PBX3: variants seen among roughly 807,000 people sequenced by gnomAD.
The protein encoded by PBX3 is pre-B-cell leukemia transcription factor 3.
In PBX3, 14 loss-of-function variants were observed where a neutral mutation model predicts 48.5. The observed-to-expected ratio is 0.29, with a 90% confidence interval of 0.19 to 0.45. PBX3 has a LOEUF of 0.45. Ranked by LOEUF, PBX3 falls within the 20% of genes least tolerant of loss-of-function variation. The pLI is 1.00. For synonymous variants in PBX3, 210 were observed against 200.3 expected (o/e 1.05, Z -0.41); for missense variants, 386 against 546.7 (o/e 0.71, Z 2.93).
chr9:125,856,037 G>A (rs1052457934), intron 2 of PBX3, among the ~76,000 whole-genome samples: 23 of 151,396 alleles, frequency 1.5e-4, no homozygotes, highest in African/African-American at 5.1e-4. Flanking sequence ...AATATAAATA[G>A]GCCCAAACCA....
At chr9:125,818,414 A>G (rs1838536034) in intron 2 of PBX3, among the ~76,000 whole-genome samples, 1 of 151,660 alleles carries the variant, frequency 6.6e-6, no homozygotes, top group Admixed American at 6.6e-5. Context: ...AGCTCACTAC[A>G]GCCTCTGCCT....
At chr9:125,899,450 TATATAGAGAG>T (rs1454806851) in intron 2 of PBX3, among the ~76,000 whole-genome samples, 6 of 79,336 alleles carry the variant, frequency 7.6e-5, no homozygotes, top group East Asian at 7.7e-4. Context: ...TGTATATATA[TATATAGAGAG>T]AGAGAGAGAG....
intron 2 of PBX3, among the ~76,000 whole-genome samples, chr9:125,900,359 T>G (rs1431555953): frequency 6.6e-6 from 1 of 151,594 alleles, no homozygotes; most frequent in Non-Finnish European, 1.5e-5. Flanking sequence ...TGTACAGAGA[T>G]GTAGCCTGTG....
intron 2 of PBX3, among the ~76,000 whole-genome samples, chr9:125,805,119 T>G (rs1838086141): frequency 1.3e-5 from 2 of 151,906 alleles, no homozygotes; most frequent in South Asian, 4.2e-4. Context: ...GAAAATATTT[T>G]TTTGAGGCGG....
At chr9:125,918,654 C>T (rs1841387606) in intron 3 of PBX3, among the ~76,000 whole-genome samples, 1 of 151,986 alleles carries the variant, frequency 6.6e-6, no homozygotes, top group Non-Finnish European at 1.5e-5. Flanking sequence ...GGTATGAAGA[C>T]TAGTTGGCAG....
intron 5 of PBX3, among the ~76,000 whole-genome samples, chr9:125,943,590 C>T (rs1159878658): frequency 6.6e-6 from 1 of 152,060 alleles, no homozygotes; most frequent in African/African-American, 2.4e-5. Context: ...CTGTGTCTAA[C>T]CTTTCCGCTG....
intron 5 of PBX3, among the ~76,000 whole-genome samples, chr9:125,954,259 G>A (rs1306376190): frequency 1.3e-5 from 2 of 152,060 alleles, no homozygotes; most frequent in African/African-American, 4.8e-5. Context: ...GTCAAAATAA[G>A]TATATTTTTA....
At chr9:125,900,646 A>T (rs572500203) in intron 2 of PBX3, among the ~76,000 whole-genome samples, 1 of 151,854 alleles carries the variant, frequency 6.6e-6, no homozygotes, top group Non-Finnish European at 1.5e-5. Flanking sequence ...CAAACCACAA[A>T]GAGATGTAGC....
chr9:125,817,726 T>TA (rs1466750518), intron 2 of PBX3, among the ~76,000 whole-genome samples: 3 of 152,244 alleles, frequency 2.0e-5, no homozygotes, highest in African/African-American at 7.2e-5. Context: ...TGTAAAGTCT[T>TA]ACATCTTATT....
At chr9:125,864,217 A>G (rs890503996) in intron 2 of PBX3, among the ~76,000 whole-genome samples, 1 of 152,226 alleles carries the variant, frequency 6.6e-6, no homozygotes, top group African/African-American at 2.4e-5. Flanking sequence ...CCATTAAAAG[A>G]AAATCTGATT....
chr9:125,922,727 T>C (rs1313600052), intron 3 of PBX3, among the ~76,000 whole-genome samples: 1 of 152,196 alleles, frequency 6.6e-6, no homozygotes, highest in Non-Finnish European at 1.5e-5. Flanking sequence ...TTACTGTGTT[T>C]ATATGTTTAA....
At chr9:125,794,437 T>C (rs995035841) in intron 2 of PBX3, among the ~76,000 whole-genome samples, 1 of 152,194 alleles carries the variant, frequency 6.6e-6, no homozygotes, top group Non-Finnish European at 1.5e-5. Flanking sequence ...AAAATCTTTC[T>C]TGAAGTGAGG....
At chr9:125,904,585 G>A (rs1312792433) in intron 2 of PBX3, among the ~76,000 whole-genome samples, 3 of 151,874 alleles carry the variant, frequency 2.0e-5, no homozygotes, top group Non-Finnish European at 4.4e-5. Context: ...GAATCAGTGA[G>A]GTTGCCGTTT....
intron 2 of PBX3, among the ~76,000 whole-genome samples, chr9:125,851,308 T>C (rs1839569361): frequency 6.7e-6 from 1 of 150,176 alleles, no homozygotes; most frequent in Non-Finnish European, 1.5e-5. Context: ...AATCTGTTGA[T>C]TATGTTTAAA....
intron 5 of PBX3, 64 bp from the exon 6 acceptor site, chr9:125,960,620 A>C: frequency 7.0e-7 from 1 of 1,434,148 alleles, no homozygotes; most frequent in Non-Finnish European, 9.8e-7. Flanking sequence ...TCCAGCAGGT[A>C]TTATTGGAAT....
Position 125,865,574 on chromosome 9 carries a change from T to C in PBX3, c.275-50112T>C, listed in dbSNP as rs202101353. Among the ~76,000 whole-genome samples, 26 of 152,336 alleles carry C rather than the reference T, an allele frequency of 1.7e-4. No homozygotes were observed. In the East Asian group the frequency reaches 5.0e-3, roughly 29 times the overall value. On this transcript the variant is annotated intron_variant, in intron 2 of 8. Coordinates refer to ENST00000373489, the MANE Select transcript of PBX3 (RefSeq NM_006195.6). ...GTAATCTGGATGTTTCTGGTCTCTC[T>C]AAATGAGCATGGACTCCATTCCTAT...
intron 4 of PBX3, 79 bp from the exon 5 acceptor site, chr9:125,935,393 G>A: frequency 8.2e-7 from 1 of 1,222,656 alleles, no homozygotes; most frequent in Admixed American, 2.1e-5. Context: ...CTACTTTTTT[G>A]GTATCATCCT....
intron 5 of PBX3, among the ~76,000 whole-genome samples, chr9:125,941,255 G>T (rs1282285022): frequency 6.6e-6 from 1 of 152,188 alleles, no homozygotes; most frequent in Non-Finnish European, 1.5e-5. Flanking sequence ...AGGCCCTGAG[G>T]TAGAAGTGCC....
chr9:125,842,747 A>G (rs1409385850), intron 2 of PBX3, among the ~76,000 whole-genome samples: 1 of 152,200 alleles, frequency 6.6e-6, no homozygotes, highest in East Asian at 1.9e-4. Flanking sequence ...TCCATGCCCA[A>G]TTTTGTGGGC....
Sources: gnomAD v4.1 joint callset for allele counts (sites outside exome capture counted in the v4.1 genomes callset) on GRCh38, gnomAD v4.1.1 for gene constraint, MANE v1.5 for transcripts, NCBI Gene and HGNC (gene_info 2026-07-23, HGNC 2026-07-21) for gene names.